Variants in ASTN2 observed in about 807,000 individuals in gnomAD.
ASTN2 encodes the protein astrotactin-2.
Under a neutral mutation model 139.8 loss-of-function variants are expected in ASTN2, and 54 were observed. The ratio of observed to expected loss-of-function variants is 0.39; its 90% CI spans 0.31 to 0.48. The LOEUF is 0.48. Among genes scored for constraint, ASTN2 ranks in the 20% least tolerant of loss-of-function variants. ASTN2 has a pLI of 0.95. For synonymous variants in ASTN2, 756 were observed against 719.5 expected (o/e 1.05, Z -0.81); for missense variants, 1,565 against 1,725.1 (o/e 0.91, Z 1.64).
chr9:117,195,074 T>C (rs1831459654), intron 3 of ASTN2, among the ~76,000 whole-genome samples: 1 of 152,186 alleles, frequency 6.6e-6, no homozygotes, highest in South Asian at 2.1e-4. Flanking sequence ...TTGGTACTGA[T>C]CTCATGGAAC....
intron 10 of ASTN2, among the ~76,000 whole-genome samples, chr9:116,924,236 C>T (rs532499444): frequency 6.6e-6 from 1 of 150,492 alleles, no homozygotes; most frequent in African/African-American, 2.5e-5. Context: ...TGGTGAAATC[C>T]TATCTCTACT....
chr9:116,423,654 T>C lies in ASTN2; in HGVS notation c.*2197A>G, dbSNP rs866853807. Among the ~76,000 whole-genome samples the C allele has an allele frequency of 6.6e-6, 1 of 152,184 alleles. No homozygotes were observed. Among genetic ancestry groups the C allele is most frequent in the Non-Finnish European group, 1.5e-5 (1 of 68,032 alleles). ...CTCCACCTGTATACTTAGAGAAACA[T>C]AAACCCAATAATAGTAAACTTCCTG... On this transcript the variant is annotated 3_prime_UTR_variant, in exon 23 of 23. Coordinates refer to ENST00000313400, the MANE Select transcript of ASTN2 (RefSeq NM_001365068.1).
chr9:116,772,688 C>T (rs1829985547), intron 13 of ASTN2, among the ~76,000 whole-genome samples: 1 of 152,110 alleles, frequency 6.6e-6, no homozygotes, highest in South Asian at 2.1e-4. Context: ...ATCACTGAGC[C>T]CCATTCCCAG....
chr9:117,156,367 C>T (rs569468519), intron 3 of ASTN2, among the ~76,000 whole-genome samples: 2 of 152,164 alleles, frequency 1.3e-5, no homozygotes, highest in African/African-American at 4.8e-5. Flanking sequence ...GAGATTAAGG[C>T]TCTTGACTAA....
chr9:117,363,817 A>T (rs1394902346), intron 1 of ASTN2, among the ~76,000 whole-genome samples: 2 of 152,078 alleles, frequency 1.3e-5, no homozygotes, highest in Non-Finnish European at 1.5e-5. Context: ...ATCACCAGCC[A>T]TCTCTCCTTA....
chr9:116,978,156 T>C (rs1466977017), intron 7 of ASTN2, among the ~76,000 whole-genome samples: 1 of 152,186 alleles, frequency 6.6e-6, no homozygotes, highest in East Asian at 1.9e-4. Flanking sequence ...AAAGCCAGTG[T>C]AGTGTGATTC....
intron 20 of ASTN2, among the ~76,000 whole-genome samples, chr9:116,460,521 G>A (rs1026582236): frequency 1.3e-5 from 2 of 152,048 alleles, no homozygotes; most frequent in Non-Finnish European, 2.9e-5. Flanking sequence ...TTGAGTTTGA[G>A]CAACATCTCC....
intron 13 of ASTN2, among the ~76,000 whole-genome samples, chr9:116,783,784 G>A (rs952897549): frequency 1.3e-5 from 2 of 152,100 alleles, no homozygotes; most frequent in African/African-American, 4.8e-5. Flanking sequence ...TATGGGCTGA[G>A]GAGGTTCCTA....
intron 19 of ASTN2, among the ~76,000 whole-genome samples, chr9:116,535,006 G>T (rs1851549638): frequency 6.6e-6 from 1 of 152,178 alleles, no homozygotes; most frequent in Admixed American, 6.5e-5. Flanking sequence ...AAGTCTCTTT[G>T]TAGGTCTCTA....
intron 5 of ASTN2, among the ~76,000 whole-genome samples, chr9:117,051,250 C>T (rs764412792): frequency 3.9e-5 from 6 of 152,038 alleles, no homozygotes; most frequent in Non-Finnish European, 7.4e-5. Context: ...TGATGATAAC[C>T]CTTTCTCTTT....
intron 1 of ASTN2, among the ~76,000 whole-genome samples, chr9:117,302,759 C>T: frequency 6.6e-6 from 1 of 152,174 alleles, no homozygotes; most frequent in East Asian, 1.9e-4. Context: ...AGTGACCAAA[C>T]AGAGCCTAGA....
intron 3 of ASTN2, among the ~76,000 whole-genome samples, chr9:117,203,195 A>G (rs1831787988): frequency 6.6e-6 from 1 of 151,886 alleles, no homozygotes; most frequent in Non-Finnish European, 1.5e-5. Context: ...CAGGTCATTT[A>G]TCTTCTTCTC....
intron 5 of ASTN2, among the ~76,000 whole-genome samples, chr9:117,059,035 G>A (rs6478278): frequency 0.16 from 23,746 of 152,168 alleles, 1,946 homozygotes; most frequent in East Asian, 0.23. Flanking sequence ...ATGAGGCAAC[G>A]TGTTATAATG....
rs138598561 is a variant in ASTN2, at chr9:117,051,372, G to C, written c.1277-11407C>G. Among the ~76,000 whole-genome samples the C allele has an allele frequency of 7.8e-3, 1,194 of 152,140 alleles. 13 individuals are homozygous for C. Among genetic ancestry groups the C allele is most frequent in the African/African-American group, 0.027 (1,107 of 41,500 alleles). On this transcript the variant is annotated intron_variant, in intron 5 of 22. Transcript: ENST00000313400. ...CCTAGTTTTGCAAATCAAAAAAATTGACTCTAACTCAGAGTTAGAAAGCTA... is the reference window on the plus strand; with the variant it reads ...CCTAGTTTTGCAAATCAAAAAAATTCACTCTAACTCAGAGTTAGAAAGCTA...
At chr9:116,842,926 C>T (rs1349257816) in intron 11 of ASTN2, among the ~76,000 whole-genome samples, 1 of 152,110 alleles carries the variant, frequency 6.6e-6, no homozygotes, top group Admixed American at 6.5e-5. Context: ...TCACCTCTGC[C>T]TACACCTGGA....
At chr9:117,135,552 G>A (rs553259317) in intron 4 of ASTN2, among the ~76,000 whole-genome samples, 1 of 152,236 alleles carries the variant, frequency 6.6e-6, no homozygotes, top group South Asian at 2.1e-4. Context: ...TCCCTGTTAG[G>A]CATTCATTCT....
At chr9:117,412,179 G>T (rs1831183726) in intron 1 of ASTN2, among the ~76,000 whole-genome samples, 1 of 152,094 alleles carries the variant, frequency 6.6e-6, no homozygotes, top group South Asian at 2.1e-4. Flanking sequence ...TGACTACCTC[G>T]CTAGCCAAAT....
At chr9:116,707,498 A>G (rs1186426296) in intron 16 of ASTN2, among the ~76,000 whole-genome samples, 2 of 152,000 alleles carry the variant, frequency 1.3e-5, no homozygotes, top group African/African-American at 4.8e-5. Context: ...CAGGATCGAG[A>G]GGACCTTCCC....
chr9:117,052,986 GC>G (rs1348053114), intron 5 of ASTN2, among the ~76,000 whole-genome samples: 25 of 152,230 alleles, frequency 1.6e-4, no homozygotes, highest in African/African-American at 6.0e-4. Context: ...TAGCTTTGAA[GC>G]AAGAAAGGCT....
Sources: gnomAD v4.1 joint callset for allele counts (sites outside exome capture counted in the v4.1 genomes callset) on GRCh38, gnomAD v4.1.1 for gene constraint, MANE v1.5 for transcripts, NCBI Gene and HGNC (gene_info 2026-07-23, HGNC 2026-07-21) for gene names.